DPP6: variants seen among roughly 807,000 people sequenced by gnomAD.
DPP6 encodes the protein A-type potassium channel modulatory protein DPP6.
In DPP6, 69 loss-of-function variants were observed where a neutral mutation model predicts 122.6. That is an observed-to-expected ratio of 0.56 (90% confidence interval 0.46 to 0.69). The LOEUF (loss-of-function observed/expected upper bound fraction) is 0.69. Ranked by LOEUF, DPP6 falls within the 30% of genes least tolerant of loss-of-function variation. The pLI is 0.00. For synonymous variants in DPP6, 418 were observed against 433.1 expected (o/e 0.97, Z 0.43); for missense variants, 928 against 1,116.9 (o/e 0.83, Z 2.41).
At chr7:154,880,348 G>A (rs1339642504) in intron 20 of DPP6, among the ~76,000 whole-genome samples, 3 of 152,236 alleles carry the variant, frequency 2.0e-5, no homozygotes, top group African/African-American at 7.2e-5. Context: ...GGAAGCTCAT[G>A]GGAAGAATCC....
chr7:154,239,983 T>C (rs1485935771), intron 1 of DPP6, among the ~76,000 whole-genome samples: 4 of 108,020 alleles, frequency 3.7e-5, no homozygotes, highest in Non-Finnish European at 6.8e-5. Flanking sequence ...CAGAGTAAGA[T>C]GCTGTCTTTA....
intron 2 of DPP6, among the ~76,000 whole-genome samples, chr7:154,458,944 A>T (rs1261142881): frequency 6.6e-6 from 1 of 152,226 alleles, no homozygotes; most frequent in Non-Finnish European, 1.5e-5. Flanking sequence ...AGGAAATGAA[A>T]TTCTTTCAAA....
chr7:154,854,145 G>T (rs146985144), intron 17 of DPP6, among the ~76,000 whole-genome samples: 1 of 152,146 alleles, frequency 6.6e-6, no homozygotes, highest in Non-Finnish European at 1.5e-5. Flanking sequence ...ACATGAGTCC[G>T]TCCCCACTGA....
chr7:154,587,446 A>C, intron 5 of DPP6: 1 of 624,510 alleles, frequency 1.6e-6, no homozygotes, highest in Non-Finnish European at 2.8e-6. Flanking sequence ...TGTGCATCCC[A>C]CACAGCCTGC....
chr7:154,193,617 G>A (rs1294000536), intron 1 of DPP6, among the ~76,000 whole-genome samples: 1 of 152,114 alleles, frequency 6.6e-6, no homozygotes, highest in Admixed American at 6.5e-5. Flanking sequence ...AGCATGTTTG[G>A]AGTGCATGTG....
intron 1 of DPP6, among the ~76,000 whole-genome samples, chr7:154,299,137 T>G (rs1281753160): frequency 6.6e-6 from 1 of 152,192 alleles, no homozygotes; most frequent in African/African-American, 2.4e-5. Flanking sequence ...TGGGTCCATT[T>G]TTGGTGCACT....
rs567817960 is a variant in DPP6 at position 154,486,101 on chromosome 7, C to A, written c.457+11064C>A. ...GTTCCTGCCTCAGTGTACCTTGCCT[C>A]CCCGGTCTCCTCACCACCCCTACTC... On this transcript the variant is annotated intron_variant, in intron 3 of 25. Transcript: ENST00000377770. The surrounding 1 kb of genome is among the most constrained non-coding windows in gnomAD (Gnocchi z 4.5). Among the ~76,000 whole-genome samples, 82 of 152,108 alleles carry A rather than the reference C, an allele frequency of 5.4e-4. No homozygotes were observed. The highest frequency in any genetic ancestry group is 1.9e-3 in the African/African-American group (79 of 41,502).
At chr7:154,465,023 T>C (rs1821663527) in intron 2 of DPP6, among the ~76,000 whole-genome samples, 1 of 152,198 alleles carries the variant, frequency 6.6e-6, no homozygotes, top group Non-Finnish European at 1.5e-5. Flanking sequence ...GGAGAAAAAT[T>C]ATACCAATAT....
intron 3 of DPP6, among the ~76,000 whole-genome samples, chr7:154,533,323 T>G (rs562572276): frequency 6.6e-6 from 1 of 152,296 alleles, no homozygotes; most frequent in East Asian, 1.9e-4. Flanking sequence ...TACCAATACA[T>G]TTTACAAGCT....
chr7:154,359,295 C>T (rs943150712), intron 1 of DPP6, among the ~76,000 whole-genome samples: 1 of 152,144 alleles, frequency 6.6e-6, no homozygotes, highest in African/African-American at 2.4e-5. Flanking sequence ...GATTTGCCAA[C>T]CCTGTTGGTG....
At chr7:153,864,453 A>G in the DPP6 span, among the ~76,000 whole-genome samples, 1 of 152,058 alleles carries the variant, frequency 6.6e-6, no homozygotes, top group African/African-American at 2.4e-5. Flanking sequence ...TCATGAGTTC[A>G]AGACCAGACT....
At chr7:154,450,994 C>G (rs1820312752) in intron 2 of DPP6, among the ~76,000 whole-genome samples, 1 of 152,084 alleles carries the variant, frequency 6.6e-6, no homozygotes. Flanking sequence ...TAGGGGTTTG[C>G]AGTTACTCCC....
intron 1 of DPP6, among the ~76,000 whole-genome samples, chr7:154,190,250 C>T (rs1429261112): frequency 1.3e-5 from 2 of 152,174 alleles, no homozygotes; most frequent in African/African-American, 4.8e-5. Flanking sequence ...CCAGGAAACC[C>T]TGATGCTGCC....
chr7:153,887,659 A>C, exon 1 of DPP6: 1 of 1,613,660 alleles, frequency 6.2e-7, no homozygotes, highest in Non-Finnish European at 8.5e-7. Context: ...CCTGGACCAG[A>C]AGTCGGGTTC....
At chr7:154,188,891 T>G (rs766052395) in intron 1 of DPP6, among the ~76,000 whole-genome samples, 1 of 152,240 alleles carries the variant, frequency 6.6e-6, no homozygotes, top group Non-Finnish European at 1.5e-5. Context: ...AACCTCTTAT[T>G]CTATCCTTAA....
chr7:154,137,662 GGGGGT>G (rs1563237134), intron 1 of DPP6, among the ~76,000 whole-genome samples: 1 of 119,314 alleles, frequency 8.4e-6, no homozygotes, highest in African/African-American at 3.0e-5. Flanking sequence ...GGGGGGTGGG[GGGGGT>G]GGGGCGAGCT....
At chr7:154,173,513 C>G (rs954913569) in intron 1 of DPP6, among the ~76,000 whole-genome samples, 5 of 152,146 alleles carry the variant, frequency 3.3e-5, no homozygotes, top group African/African-American at 1.2e-4. Flanking sequence ...TCTCTCTCCA[C>G]TGCCTGGACT....
chr7:154,750,053 C>T (rs570709276), intron 8 of DPP6, among the ~76,000 whole-genome samples: 131 of 152,150 alleles, frequency 8.6e-4, no homozygotes, highest in African/African-American at 3.0e-3. Flanking sequence ...AAGCATAGGA[C>T]GGAAAATACC....
chr7:154,876,250 A>G (rs1475695661), intron 20 of DPP6, 150 bp downstream of exon 20: 29 of 1,271,582 alleles, frequency 2.3e-5, no homozygotes, highest in Non-Finnish European at 2.8e-5. Flanking sequence ...GGCCATTCCA[A>G]AGAAGTTTCA....
Sources: gnomAD v4.1 joint callset for allele counts (sites outside exome capture counted in the v4.1 genomes callset) on GRCh38, gnomAD v4.1.1 for gene constraint, Gnocchi (gnomAD v3.1) non-coding constraint, MANE v1.5 for transcripts, NCBI Gene and HGNC (gene_info 2026-07-23, HGNC 2026-07-21) for gene names.